ZRANB3: variants seen among roughly 807,000 people sequenced by gnomAD.
ZRANB3 encodes DNA annealing helicase and endonuclease ZRANB3.
ZRANB3 carries 125 observed loss-of-function variants against 133.8 expected under a neutral mutation model. The ratio of observed to expected loss-of-function variants is 0.93; its 90% CI spans 0.81 to 1.08. The LOEUF is 1.08. Ranked by LOEUF, ZRANB3 falls within the 50% of genes least tolerant of loss-of-function variation. The probability of loss-of-function intolerance (pLI) is 0.00; values close to 1 mark genes in which losing one functional copy is unlikely to be tolerated. For missense variants in ZRANB3, 1,229 were observed against 1,275.5 expected, an observed-to-expected ratio of 0.96 and a Z score of 0.56; for synonymous variants, 387 against 432.7, an observed-to-expected ratio of 0.89 and a Z score of 1.31.
intron 13 of ZRANB3, among the ~76,000 whole-genome samples, chr2:135,228,648 T>C (rs1369699907): frequency 6.6e-6 from 1 of 152,156 alleles, no homozygotes; most frequent in African/African-American, 2.4e-5. Context: ...ATTTGGAGGT[T>C]ACTTGATGGG....
At chr2:135,337,605 G>A (rs1407469353) in intron 6 of ZRANB3, among the ~76,000 whole-genome samples, 2 of 152,084 alleles carry the variant, frequency 1.3e-5, no homozygotes, top group African/African-American at 4.8e-5. Flanking sequence ...AAAGACTAAA[G>A]AGTTATTACT....
intron 1 of ZRANB3, among the ~76,000 whole-genome samples, chr2:135,508,834 T>C (rs1400213550): frequency 6.6e-6 from 1 of 152,146 alleles, no homozygotes; most frequent in Admixed American, 6.5e-5. Flanking sequence ...TAATCAACAT[T>C]ACATTAATAA....
chr2:135,519,286 T>C (rs1432420968), intron 1 of ZRANB3, among the ~76,000 whole-genome samples: 3 of 152,158 alleles, frequency 2.0e-5, no homozygotes, highest in African/African-American at 7.2e-5. Context: ...CTCCGCATTA[T>C]TTCTTACAAT....
chr2:135,313,641 G>T, intron 7 of ZRANB3, 36 bp from the exon 8 acceptor site: 1 of 1,372,146 alleles, frequency 7.3e-7, no homozygotes, highest in Non-Finnish European at 1.0e-6. Flanking sequence ...TATGAATATA[G>T]CATAACGAAC....
At chr2:135,415,440 A>G (rs570811490) in intron 2 of ZRANB3, among the ~76,000 whole-genome samples, 5 of 152,104 alleles carry the variant, frequency 3.3e-5, no homozygotes, top group Non-Finnish European at 5.9e-5. Flanking sequence ...ACCAATAACA[A>G]GACCTGAAAT....
intron 8 of ZRANB3, among the ~76,000 whole-genome samples, chr2:135,290,388 G>GT (rs1442512113): frequency 1.3e-5 from 2 of 152,090 alleles, no homozygotes; most frequent in African/African-American, 2.4e-5. Flanking sequence ...TTTAAAGTCT[G>GT]TTTTTTTCTG....
intron 2 of ZRANB3, among the ~76,000 whole-genome samples, chr2:135,445,693 T>C (rs974609666): frequency 2.0e-5 from 3 of 147,464 alleles, no homozygotes; most frequent in Admixed American, 6.8e-5. Flanking sequence ...CTGGCCAAGA[T>C]GGTGAAACCC....
intron 6 of ZRANB3, among the ~76,000 whole-genome samples, chr2:135,318,836 C>T (rs1422622182): frequency 6.6e-6 from 1 of 152,170 alleles, no homozygotes; most frequent in Non-Finnish European, 1.5e-5. Flanking sequence ...TAGCATTGGT[C>T]TCCAAAGTGT....
chr2:135,403,763 G>T (rs1411715684), intron 2 of ZRANB3, among the ~76,000 whole-genome samples: 5 of 152,170 alleles, frequency 3.3e-5, no homozygotes, highest in Admixed American at 3.3e-4. Flanking sequence ...ACTTCCAGAG[G>T]AAGGATCTGG....
chr2:135,415,776 A>C (rs1254948346), intron 2 of ZRANB3, among the ~76,000 whole-genome samples: 1 of 152,226 alleles, frequency 6.6e-6, no homozygotes, highest in African/African-American at 2.4e-5. Flanking sequence ...AGTGGGCTTC[A>C]TCCCTGGGAT....
rs113503793 is a variant in ZRANB3 at position 135,211,269 on chromosome 2, G to A, written c.2496-2291C>T. ...CAAAAAGAAACCTGAGGCTGGGTGC[G>A]GTGGCTCATGCATGTAATCCCGGCA... On this transcript the variant is annotated intron_variant, in intron 17 of 20. Coordinates refer to ENST00000264159, the MANE Select transcript of ZRANB3 (RefSeq NM_032143.4). Among the ~76,000 whole-genome samples, 459 of 152,172 alleles carry A rather than the reference G, an allele frequency of 3.0e-3. 3 individuals are homozygous for A. Among genetic ancestry groups the A allele is most frequent in the African/African-American group, 0.01 (422 of 41,530 alleles).
intron 3 of ZRANB3, among the ~76,000 whole-genome samples, chr2:135,373,800 A>AGAAGGGAGGGGAGGGGAGGGGAGGG (rs1686290133): frequency 7.1e-5 from 1 of 14,168 alleles, no homozygotes; most frequent in Non-Finnish European, 1.6e-4. Flanking sequence ...AAGAAAAGAA[A>AGAAGGGAGGGGAGGGGAGGGGAGGG]GAGGGGAGGG....
At chr2:135,325,018 A>G (rs1683741934) in intron 6 of ZRANB3, among the ~76,000 whole-genome samples, 1 of 152,214 alleles carries the variant, frequency 6.6e-6, no homozygotes, top group Admixed American at 6.5e-5. Flanking sequence ...AAATAAATGG[A>G]AAGACATTAC....
intron 8 of ZRANB3, among the ~76,000 whole-genome samples, chr2:135,299,736 A>G (rs182057854): frequency 2.0e-5 from 3 of 152,356 alleles, no homozygotes; most frequent in Admixed American, 6.5e-5. Context: ...AAGTACTTCA[A>G]AAGGCAGACT....
intron 1 of ZRANB3, among the ~76,000 whole-genome samples, chr2:135,521,528 G>A (rs372120202): frequency 3.9e-5 from 6 of 152,020 alleles, no homozygotes; most frequent in African/African-American, 1.4e-4. Context: ...AGCAAACTTC[G>A]TCTCAAAAAT....
chr2:135,259,544 G>A (rs1457162978), intron 12 of ZRANB3, among the ~76,000 whole-genome samples: 1 of 152,108 alleles, frequency 6.6e-6, no homozygotes, highest in African/African-American at 2.4e-5. Context: ...TCAGCCTCCT[G>A]AGTAGCTGGG....
intron 4 of ZRANB3, among the ~76,000 whole-genome samples, chr2:135,350,734 AC>A (rs1361118837): frequency 6.6e-6 from 1 of 152,208 alleles, no homozygotes; most frequent in East Asian, 1.9e-4. Flanking sequence ...TCCTGGTCCT[AC>A]CTATTAAAGG....
At position 135,493,098 on chromosome 2, in the gene ZRANB3, AATATATATATATATATATATATATATAT is replaced by A. The variant is rs66481237; in HGVS notation, c.161+11203_161+11230del. Among the ~76,000 whole-genome samples, 476 of 57,418 alleles carry A rather than the reference AATATATATATATATATATATATATATAT, an allele frequency of 8.3e-3. 6 individuals are homozygous for A. The highest frequency in any genetic ancestry group is 0.011 in the Non-Finnish European group (282 of 24,594). The allele number at this position is 57,418 out of a possible 152,430, so 37.7% of individuals were successfully genotyped here. On this transcript the variant is annotated intron_variant, in intron 2 of 20. Transcript: ENST00000264159. ...GTATTTAAAAATTGAGATGATACCA[AATATATATATATATATATATATATATAT>A]ATATATATATATATATATATATATA...
At chr2:135,400,415 G>A (rs1015947799) in intron 2 of ZRANB3, among the ~76,000 whole-genome samples, 2 of 151,574 alleles carry the variant, frequency 1.3e-5, no homozygotes, top group Non-Finnish European at 2.9e-5. Flanking sequence ...GCATGATCTC[G>A]GTTCACTGCA....
Sources: gnomAD v4.1 joint callset for allele counts (sites outside exome capture counted in the v4.1 genomes callset) on GRCh38, gnomAD v4.1.1 for gene constraint, MANE v1.5 for transcripts, NCBI Gene and HGNC (gene_info 2026-07-23, HGNC 2026-07-21) for gene names.